CCDC85A: variants seen among roughly 807,000 people sequenced by gnomAD.
CCDC85A encodes coiled-coil domain-containing protein 85A.
Under a neutral mutation model 50.2 loss-of-function variants are expected in CCDC85A, and 38 were observed. That is an observed-to-expected ratio of 0.76 (90% confidence interval 0.58 to 0.99). The LOEUF (loss-of-function observed/expected upper bound fraction) is 0.99, where lower values mean the gene tolerates loss of function less well. CCDC85A is among the 50% of genes least tolerant of loss of function. The pLI, the probability that CCDC85A is intolerant of heterozygous loss-of-function variation, is 0.00. For missense variants in CCDC85A, 820 were observed against 742.0 expected, an observed-to-expected ratio of 1.11 and a Z score of -1.22; for synonymous variants, 366 against 301.4, an observed-to-expected ratio of 1.21 and a Z score of -2.22.
chr2:56,300,398 T>A (rs1362206823), intron 2 of CCDC85A, among the ~76,000 whole-genome samples: 1 of 152,218 alleles, frequency 6.6e-6, no homozygotes, highest in South Asian at 2.1e-4. Context: ...AATTTAATGC[T>A]GATTTGTTGG....
At chr2:56,317,817 T>C (rs1468657464) in intron 2 of CCDC85A, among the ~76,000 whole-genome samples, 1 of 152,104 alleles carries the variant, frequency 6.6e-6, no homozygotes, top group East Asian at 1.9e-4. Context: ...CCATTTTCTC[T>C]ATCCACACCA....
At chr2:56,219,567 T>A (rs1668230936) in intron 2 of CCDC85A, among the ~76,000 whole-genome samples, 1 of 151,838 alleles carries the variant, frequency 6.6e-6, no homozygotes, top group African/African-American at 2.4e-5. Flanking sequence ...ATTATGTGCT[T>A]GCCTATTTCC....
At chr2:56,288,896 C>A (rs1226948837) in intron 2 of CCDC85A, among the ~76,000 whole-genome samples, 1 of 152,164 alleles carries the variant, frequency 6.6e-6, no homozygotes, top group Non-Finnish European at 1.5e-5. Context: ...CATCTGCTCT[C>A]TGCAGTGAAG....
Position 56,346,167 on chromosome 2 carries a change from A to G in CCDC85A, c.1317+3212A>G, listed in dbSNP as rs1355700777. ...TGCTCCTTTTTATTCTTTATATAAA[A>G]TTGTATATAATGAACAGAAAGTCAC... On this transcript the variant is annotated intron_variant, in intron 3 of 5. Transcript: ENST00000407595. 2.0e-5 allele frequency among the ~76,000 whole-genome samples: 3 copies of G among 152,242 alleles called. No individual in the cohort carries two copies. The East Asian group carries it at 5.8e-4, about 29-fold the overall frequency.
intron 2 of CCDC85A, among the ~76,000 whole-genome samples, chr2:56,338,999 T>C (rs1286817824): frequency 2.0e-5 from 3 of 152,300 alleles, no homozygotes; most frequent in East Asian, 3.9e-4. Flanking sequence ...TGAGTATCCA[T>C]TAATTGTTAA....
intron 3 of CCDC85A, among the ~76,000 whole-genome samples, chr2:56,352,064 A>T (rs973437289): frequency 1.3e-5 from 2 of 152,134 alleles, no homozygotes; most frequent in Non-Finnish European, 2.9e-5. Flanking sequence ...TCCTACAAGG[A>T]GATTTAGGCA....
intron 2 of CCDC85A, among the ~76,000 whole-genome samples, chr2:56,225,555 G>A (rs1668508797): frequency 1.3e-5 from 2 of 152,078 alleles, no homozygotes; most frequent in African/African-American, 4.8e-5. Context: ...AGTAAGTTTT[G>A]AAATCAGGAA....
intron 2 of CCDC85A, among the ~76,000 whole-genome samples, chr2:56,274,960 A>C (rs1011051213): frequency 6.6e-6 from 1 of 152,112 alleles, no homozygotes; most frequent in Non-Finnish European, 1.5e-5. Flanking sequence ...AAGAGAGAGA[A>C]ACCAAGCTCT....
rs1676362519 is a variant in CCDC85A, at chr2:56,192,947, C to A, written c.747C>A (p.Ser249=). 1 of 1,613,304 alleles carries A rather than the reference C, an allele frequency of 6.2e-7. No individual in the cohort carries two copies. The highest frequency in any genetic ancestry group is 1.7e-5 in the Admixed American group (1 of 59,964). Residue 249 remains serine, a synonymous_variant, in exon 2 of 6, where the codon TCC becomes TCA. Coordinates refer to ENST00000407595, the MANE Select transcript of CCDC85A (RefSeq NM_001080433.2). The surrounding 1 kb of genome is among the most constrained non-coding windows in gnomAD (Gnocchi z 4.7). ...KPRSEGSPEH[S]KHRSASPEHP... is the part of the protein sequence containing the mutation. The stretch of plus-strand genomic sequence containing the variant: ...GGAGCGAGGGCAGCCCGGAGCACTC[C>A]AAGCACAGGAGCGCCAGCCCCGAGC...
At chr2:56,273,579 A>C (rs1670793197) in intron 2 of CCDC85A, among the ~76,000 whole-genome samples, 1 of 152,058 alleles carries the variant, frequency 6.6e-6, no homozygotes, top group Admixed American at 6.6e-5. Context: ...CAGAAATAAA[A>C]ATATTTTAAA....
intron 2 of CCDC85A, among the ~76,000 whole-genome samples, chr2:56,278,636 C>G (rs532929618): frequency 6.6e-6 from 1 of 152,124 alleles, no homozygotes; most frequent in South Asian, 2.1e-4. Context: ...TGCAGTGGCA[C>G]AATCTCGGCT....
At chr2:56,266,586 C>CG (rs1337529477) in intron 2 of CCDC85A, among the ~76,000 whole-genome samples, 3 of 134,578 alleles carry the variant, frequency 2.2e-5, no homozygotes, top group Non-Finnish European at 4.9e-5. Flanking sequence ...GCGCCCCCCC[C>CG]CCCCATAATC....
intron 2 of CCDC85A, among the ~76,000 whole-genome samples, chr2:56,312,017 A>T (rs1354327143): frequency 6.6e-6 from 1 of 152,090 alleles, no homozygotes; most frequent in Non-Finnish European, 1.5e-5. Flanking sequence ...GTAGATAAGG[A>T]CGGTCGGGGC....
At chr2:56,298,389 C>T (rs1558629441) in intron 2 of CCDC85A, among the ~76,000 whole-genome samples, 1 of 152,140 alleles carries the variant, frequency 6.6e-6, no homozygotes, top group Non-Finnish European at 1.5e-5. Flanking sequence ...GGAGAGCCCT[C>T]ATTTCAATCA....
rs557150655 is a variant in CCDC85A at position 56,317,003 on chromosome 2, T to G, written c.1241-25876T>G. Among the ~76,000 whole-genome samples, 9 of 152,226 alleles carry G rather than the reference T, an allele frequency of 5.9e-5. No homozygotes were observed. In the South Asian group the frequency reaches 1.9e-3, roughly 32 times the overall value. On this transcript the variant is annotated intron_variant, in intron 2 of 5. Coordinates refer to ENST00000407595, the MANE Select transcript of CCDC85A (RefSeq NM_001080433.2). The stretch of plus-strand genomic sequence containing the variant: ...ATTTTTCTTCTATTTTCTGTTAAAG[T>G]GGACTTTCTATTCAGACGGCAAATT...
Position 56,210,139 on chromosome 2 carries a change from G to T in CCDC85A, c.1240+16699G>T, listed in dbSNP as rs375100140. Among the ~76,000 whole-genome samples the T allele has an allele frequency of 2.6e-4, 40 of 152,186 alleles. No individual in the cohort carries two copies. The East Asian group carries it at 4.3e-3, about 16-fold the overall frequency. ...GGTCTGAACCACTGACTGTATGCTCGTTGGAAGTAGCTGTCTGTGAAGGCA... is the reference window on the plus strand; with the variant it reads ...GGTCTGAACCACTGACTGTATGCTCTTTGGAAGTAGCTGTCTGTGAAGGCA... On this transcript the variant is annotated intron_variant, in intron 2 of 5. Transcript: ENST00000407595.
chr2:56,322,382 G>A (rs555373434), intron 2 of CCDC85A, among the ~76,000 whole-genome samples: 2 of 152,098 alleles, frequency 1.3e-5, no homozygotes, highest in Admixed American at 1.3e-4. Context: ...GAAAATTTTT[G>A]CAATCTACTC....
intron 2 of CCDC85A, among the ~76,000 whole-genome samples, chr2:56,296,454 G>A (rs1221937077): frequency 6.6e-6 from 1 of 152,204 alleles, no homozygotes; most frequent in Non-Finnish European, 1.5e-5. Context: ...ATGTAAGCCT[G>A]CAGAAGGAGC....
chr2:56,266,639 A>G (rs1317425150), intron 2 of CCDC85A, among the ~76,000 whole-genome samples: 2 of 133,508 alleles, frequency 1.5e-5, no homozygotes, highest in African/African-American at 2.7e-5. Context: ...TGTGAAATGA[A>G]TTGAAGAAAG....
Sources: gnomAD v4.1 joint callset for allele counts (sites outside exome capture counted in the v4.1 genomes callset) on GRCh38, gnomAD v4.1.1 for gene constraint, Gnocchi (gnomAD v3.1) non-coding constraint, MANE v1.5 for transcripts, NCBI Gene and HGNC (gene_info 2026-07-23, HGNC 2026-07-21) for gene names.